FSD2: variants seen among roughly 807,000 people sequenced by gnomAD.
FSD2 encodes fibronectin type III and SPRY domain containing 2, also known as fibronectin type III and SPRY domain-containing protein 2.
FSD2 carries 71 observed loss-of-function variants against 80.4 expected under a neutral mutation model. The observed-to-expected ratio is 0.88, with a 90% confidence interval of 0.73 to 1.08. FSD2 has a LOEUF of 1.08. Among genes scored for constraint, FSD2 ranks in the 50% least tolerant of loss-of-function variants. The pLI is 0.00. For missense variants in FSD2, 923 were observed against 913.8 expected (o/e 1.01, Z -0.13); for synonymous variants, 361 against 329.5 (o/e 1.10, Z -1.03).
chr15:82,791,432 A>G (rs1596258125), intron 1 of FSD2, among the ~76,000 whole-genome samples: 1 of 150,834 alleles, frequency 6.6e-6, no homozygotes. Flanking sequence ...GTGCAGTAAC[A>G]CCATCTTGGC....
intron 1 of FSD2, among the ~76,000 whole-genome samples, chr15:82,803,230 C>T (rs565469536): frequency 6.6e-6 from 1 of 152,252 alleles, no homozygotes; most frequent in East Asian, 1.9e-4. Context: ...TGAAACCCTC[C>T]TGTCTCTACA....
At chr15:82,800,712 A>AAAAAAAAC (rs2050392598) in intron 1 of FSD2, among the ~76,000 whole-genome samples, 1 of 150,420 alleles carries the variant, frequency 6.6e-6, no homozygotes, top group Non-Finnish European at 1.5e-5. Context: ...AAAAAAAAAA[A>AAAAAAAAC]AGCCCCTCAG....
At chr15:82,760,525 C>T (rs553599115) in intron 12 of FSD2, among the ~76,000 whole-genome samples, 1 of 152,284 alleles carries the variant, frequency 6.6e-6, no homozygotes, top group South Asian at 2.1e-4. Context: ...ATGATCTAAA[C>T]GTGTCAGAGG....
In FSD2 at chr15:82,787,313, C is replaced by G. The variant is rs1331191563; in HGVS notation, c.78G>C (p.Leu26=). 2.5e-6 allele frequency: 4 copies of G among 1,613,892 alleles called. 1 individual carries two copies. The South Asian group carries it at 4.4e-5, about 18-fold the overall frequency. Residue 26 remains leucine, a synonymous_variant, in exon 2 of 13, where the codon CTG becomes CTC. Transcript: ENST00000334574. ...PKDFHFYHMD[L]YDSEDRLHLF... is the part of the protein sequence containing the mutation. ...GGTGCAGTCTGTCTTCAGAGTCATA[C>G]AGGTCCATGTGGTAAAAGTGGAAAT... is the stretch of plus-strand genomic sequence containing the variant.
chr15:82,797,936 A>C (rs894328980), intron 1 of FSD2, among the ~76,000 whole-genome samples: 4 of 152,188 alleles, frequency 2.6e-5, no homozygotes, highest in Non-Finnish European at 5.9e-5. Flanking sequence ...TAATATTCAG[A>C]GATGTATGGT....
intron 11 of FSD2, among the ~76,000 whole-genome samples, chr15:82,764,183 A>G (rs926024860): frequency 2.0e-5 from 3 of 152,210 alleles, no homozygotes; most frequent in African/African-American, 7.2e-5. Flanking sequence ...GACTTCCTAG[A>G]ACTAAATTAA....
At chr15:82,798,974 C>T (rs1013082448) in intron 1 of FSD2, among the ~76,000 whole-genome samples, 1 of 144,160 alleles carries the variant, frequency 6.9e-6, no homozygotes, top group African/African-American at 2.6e-5. Flanking sequence ...ACCTTCTGGG[C>T]TCAAACAATC....
chr15:82,786,663 T>C (rs761025664), intron 2 of FSD2, 57 bp from the exon 3 acceptor site: 25 of 1,604,640 alleles, frequency 1.6e-5, no homozygotes, highest in Non-Finnish European at 1.9e-5. Context: ...CTCACTCTTG[T>C]AGAAGGCGTT....
chr15:82,761,884 G>A (rs1288279409), intron 12 of FSD2, among the ~76,000 whole-genome samples: 1 of 151,928 alleles, frequency 6.6e-6, no homozygotes, highest in African/African-American at 2.4e-5. Context: ...AGAGTACTTG[G>A]CACATAATTC....
intron 9 of FSD2, among the ~76,000 whole-genome samples, chr15:82,767,740 A>C (rs2049456841): frequency 6.6e-6 from 1 of 152,154 alleles, no homozygotes; most frequent in Non-Finnish European, 1.5e-5. Context: ...TGGATTACCA[A>C]AGTCAGCCTC....
intron 1 of FSD2, among the ~76,000 whole-genome samples, chr15:82,797,989 C>T (rs2050318355): frequency 6.6e-6 from 1 of 152,086 alleles, no homozygotes; most frequent in Non-Finnish European, 1.5e-5. Context: ...AGTTATACAT[C>T]TGTATTTTTG....
intron 5 of FSD2, 60 bp from the exon 6 acceptor site, chr15:82,778,947 T>G: frequency 6.3e-7 from 1 of 1,579,794 alleles, no homozygotes; most frequent in Non-Finnish European, 8.6e-7. Context: ...AGGGTATATA[T>G]ATAGTGCTGA....
intron 1 of FSD2, among the ~76,000 whole-genome samples, chr15:82,788,504 CAAAA>C (rs11317915): frequency 3.0e-5 from 2 of 66,214 alleles, no homozygotes; most frequent in Admixed American, 2.0e-4. Context: ...GACCCTGTCT[CAAAA>C]AAAAAAAAAA....
chr15:82,802,424 C>G (rs1410880031), intron 1 of FSD2, among the ~76,000 whole-genome samples: 1 of 152,210 alleles, frequency 6.6e-6, no homozygotes, highest in African/African-American at 2.4e-5. Context: ...GTGGATGATT[C>G]TCAACAAAGT....
chr15:82,786,968 G>A lies in FSD2; in HGVS notation c.423C>T (p.Gly141=). The A allele has an allele frequency of 6.2e-7, 1 of 1,613,982 alleles. No homozygotes were observed. The highest frequency in any genetic ancestry group is 1.3e-5 in the African/African-American group (1 of 75,056). The change falls in exon 2 of 13, where the codon GGC becomes GGT. Residue 141 remains glycine, a synonymous_variant. Coordinates refer to ENST00000334574, the MANE Select transcript of FSD2 (RefSeq NM_001007122.4). ...AGGCTTCCCGCAAGTCCTGGCACTG[G>A]CCTGCTGAGCCCCACCCTCCGAAGC... The part of the protein sequence containing the change: ...DLGFGGWGSA[G]QCQDLREAYR...
intron 1 of FSD2, among the ~76,000 whole-genome samples, chr15:82,788,715 A>G (rs2050069077): frequency 6.6e-6 from 1 of 151,874 alleles, no homozygotes; most frequent in Admixed American, 6.6e-5. Context: ...AGGAACCTTA[A>G]AGATGTTCAC....
chr15:82,797,484 C>G (rs2050304450), intron 1 of FSD2, among the ~76,000 whole-genome samples: 1 of 152,198 alleles, frequency 6.6e-6, no homozygotes, highest in Non-Finnish European at 1.5e-5. Flanking sequence ...CCATCTACCT[C>G]ATTAAGAGAT....
intron 1 of FSD2, among the ~76,000 whole-genome samples, chr15:82,792,152 C>G (rs977857204): frequency 6.6e-6 from 1 of 152,196 alleles, no homozygotes; most frequent in Admixed American, 6.5e-5. Flanking sequence ...ATCACTGGGT[C>G]AAATGGTAAC....
chr15:82,780,554 C>T (rs1354873268), intron 4 of FSD2, among the ~76,000 whole-genome samples: 1 of 151,686 alleles, frequency 6.6e-6, no homozygotes, highest in Non-Finnish European at 1.5e-5. Flanking sequence ...AGGCTGGTCT[C>T]GAACCCCTGA....
Sources: allele counts gnomAD v4.1 joint callset (sites outside exome capture counted in the v4.1 genomes callset), GRCh38; gene constraint gnomAD v4.1.1; transcripts MANE v1.5; gene names NCBI Gene and HGNC (gene_info 2026-07-23, HGNC 2026-07-21).